PDLIM5: variants seen among roughly 807,000 people sequenced by gnomAD.
PDLIM5 encodes the protein PDZ and LIM domain 5.
Under a neutral mutation model 64.2 loss-of-function variants are expected in PDLIM5, and 34 were observed. The ratio of observed to expected loss-of-function variants is 0.53; its 90% CI spans 0.40 to 0.71. The LOEUF (loss-of-function observed/expected upper bound fraction) is 0.71, where lower values mean the gene tolerates loss of function less well. PDLIM5 is among the 30% of genes least tolerant of loss of function. PDLIM5 has a pLI of 0.00. For missense variants in PDLIM5, 683 were observed against 733.6 expected (o/e 0.93, Z 0.80); for synonymous variants, 253 against 269.1 (o/e 0.94, Z 0.59).
intron 2 of PDLIM5, among the ~76,000 whole-genome samples, chr4:94,468,178 G>A (rs1386749796): frequency 6.6e-6 from 1 of 151,982 alleles, no homozygotes; most frequent in Non-Finnish European, 1.5e-5. Flanking sequence ...TTTTGGGATG[G>A]GGTCTTGCTC....
chr4:94,515,928 T>C (rs907584307), intron 2 of PDLIM5, among the ~76,000 whole-genome samples: 1 of 152,244 alleles, frequency 6.6e-6, no homozygotes, highest in Non-Finnish European at 1.5e-5. Flanking sequence ...GTGTTCTTTT[T>C]ACAGACTATC....
chr4:94,568,446 T>C (rs1734525711), intron 3 of PDLIM5, among the ~76,000 whole-genome samples: 1 of 152,242 alleles, frequency 6.6e-6, no homozygotes, highest in East Asian at 1.9e-4. Context: ...TGAAATTTTT[T>C]CCATAGTAAT....
intron 8 of PDLIM5, among the ~76,000 whole-genome samples, chr4:94,624,912 A>G (rs1369852057): frequency 6.6e-6 from 1 of 152,252 alleles, no homozygotes; most frequent in Non-Finnish European, 1.5e-5. Flanking sequence ...TGCATTATTA[A>G]AAGATTATTA....
At chr4:94,467,184 C>G (rs1254457364) in intron 2 of PDLIM5, among the ~76,000 whole-genome samples, 1 of 152,182 alleles carries the variant, frequency 6.6e-6, no homozygotes, top group African/African-American at 2.4e-5. Context: ...TTTAGAATTC[C>G]CAGTACATGT....
intron 7 of PDLIM5, among the ~76,000 whole-genome samples, chr4:94,600,055 G>C (rs558858195): frequency 2.1e-4 from 32 of 152,258 alleles, no homozygotes; most frequent in Non-Finnish European, 3.2e-4. Flanking sequence ...CAAGGGATTT[G>C]AACTTCTGAT....
intron 2 of PDLIM5, among the ~76,000 whole-genome samples, chr4:94,470,406 G>C (rs966390737): frequency 6.6e-6 from 1 of 152,080 alleles, no homozygotes; most frequent in African/African-American, 2.4e-5. Flanking sequence ...AATTATGCTG[G>C]TAACACATTT....
intron 7 of PDLIM5, chr4:94,607,946 T>C: frequency 1.6e-6 from 1 of 616,578 alleles, no homozygotes; most frequent in Non-Finnish European, 2.5e-6. Context: ...AAACCAATAG[T>C]GTTCCCAAAA....
intron 9 of PDLIM5, among the ~76,000 whole-genome samples, chr4:94,646,783 A>G (rs958517233): frequency 6.6e-6 from 1 of 152,192 alleles, no homozygotes; most frequent in Non-Finnish European, 1.5e-5. Flanking sequence ...ACCATGGTAT[A>G]TATTTCTAGT....
At chr4:94,643,338 G>T (rs570943946) in intron 9 of PDLIM5, among the ~76,000 whole-genome samples, 2 of 152,248 alleles carry the variant, frequency 1.3e-5, no homozygotes, top group African/African-American at 4.8e-5. Flanking sequence ...GATTAAGTTT[G>T]CTATGGGACA....
intron 9 of PDLIM5, among the ~76,000 whole-genome samples, chr4:94,649,014 T>C (rs35964087): frequency 0.35 from 53,125 of 151,626 alleles, 9,490 homozygotes; most frequent in East Asian, 0.5. Context: ...CTCACTCTGT[T>C]GCTGACGCTG....
At chr4:94,618,283 A>ATTC in intron 8 of PDLIM5, 92 bp downstream of exon 8, 3 of 784,662 alleles carry the variant, frequency 3.8e-6, no homozygotes, top group South Asian at 4.6e-5. Context: ...TCACTGGTAA[A>ATTC]ACCCATTCTC....
chr4:94,664,493 A>T lies in PDLIM5; in HGVS notation c.*426A>T, dbSNP rs1429406662. 1 of 657,748 alleles carries T rather than the reference A, an allele frequency of 1.5e-6. No individual in the cohort carries two copies. Among genetic ancestry groups the T allele is most frequent in the African/African-American group, 3.5e-5 (1 of 28,894 alleles). The allele number at this position is 657,748 out of a possible 1,614,324, so 40.7% of individuals were successfully genotyped here. A position where few individuals can be genotyped will look rare whatever the true frequency, so the allele number is the denominator to read the frequency against. ...ATCAATAACAGAATTATTGTATTTA[A>T]AAAAAAACTAATACTTATCTTTAAA... On this transcript the variant is annotated 3_prime_UTR_variant, in exon 13 of 13. Transcript: ENST00000317968.
At chr4:94,662,816 C>T (rs542034877) in intron 12 of PDLIM5, among the ~76,000 whole-genome samples, 1 of 100,746 alleles carries the variant, frequency 9.9e-6, no homozygotes, top group South Asian at 2.5e-4. Context: ...AGTAAGATTC[C>T]TTTACTTAAA....
At chr4:94,490,790 T>C (rs939000420) in intron 2 of PDLIM5, among the ~76,000 whole-genome samples, 4 of 152,166 alleles carry the variant, frequency 2.6e-5, no homozygotes, top group African/African-American at 9.6e-5. Flanking sequence ...AATAATACTT[T>C]TAAATGACAA....
chr4:94,581,626 CA>C lies in PDLIM5; in HGVS notation c.711-3937del, dbSNP rs535897430. Among the ~76,000 whole-genome samples the C allele has an allele frequency of 5.2e-4, 79 of 152,240 alleles. 1 individual carries two copies. The highest frequency in any genetic ancestry group is 1.8e-3 in the African/African-American group (76 of 41,548). On this transcript the variant is annotated intron_variant, in intron 5 of 12. Transcript: ENST00000317968. ...CTGATTTTGACATGTGGAAATATAG[CA>C]ACACTGACCAGTCTTAGCGTTAAAA...
chr4:94,610,328 G>GTCTGATGTGATCTCAGCGCTCTTC, intron 7 of PDLIM5: 1 of 1,452,028 alleles, frequency 6.9e-7, no homozygotes, highest in Non-Finnish European at 9.1e-7. Flanking sequence ...TACAGCGTCT[G>GTCTGATGTGATCTCAGCGCTCTTC]TCTGATGTGA....
intron 7 of PDLIM5, among the ~76,000 whole-genome samples, chr4:94,599,185 G>A (rs1332908434): frequency 5.3e-5 from 8 of 152,168 alleles, no homozygotes; most frequent in African/African-American, 1.9e-4. Flanking sequence ...AAAATTAATT[G>A]TAAGGGAGAA....
chr4:94,455,830 G>T (rs1470963481), intron 2 of PDLIM5: 4 of 1,458,622 alleles, frequency 2.7e-6, no homozygotes, highest in Non-Finnish European at 3.7e-6. Flanking sequence ...TCACTTTCTG[G>T]TGGAGGTGAT....
intron 7 of PDLIM5, among the ~76,000 whole-genome samples, chr4:94,607,025 G>T (rs1737982767): frequency 6.6e-6 from 1 of 152,206 alleles, no homozygotes; most frequent in African/African-American, 2.4e-5. Flanking sequence ...GCATGCCGTG[G>T]TTTGCTGACC....
Sources: allele counts gnomAD v4.1 joint callset (sites outside exome capture counted in the v4.1 genomes callset), GRCh38; gene constraint gnomAD v4.1.1; transcripts MANE v1.5; gene names NCBI Gene and HGNC (gene_info 2026-07-23, HGNC 2026-07-21).